Variants in ATP2B4 observed in about 807,000 individuals in gnomAD.
ATP2B4 encodes ATPase plasma membrane Ca2+ transporting 4, also known as plasma membrane calcium-transporting ATPase 4.
ATP2B4 carries 39 observed loss-of-function variants against 110.3 expected under a neutral mutation model. That is an observed-to-expected ratio of 0.35 (90% confidence interval 0.27 to 0.46). ATP2B4 has a LOEUF of 0.46. Ranked by LOEUF, ATP2B4 falls within the 20% of genes least tolerant of loss-of-function variation. The probability of loss-of-function intolerance (pLI) is 1.00; values close to 1 mark genes in which losing one functional copy is unlikely to be tolerated. For missense variants in ATP2B4, 1,135 were observed against 1,530.9 expected, an observed-to-expected ratio of 0.74 and a Z score of 4.32; for synonymous variants, 538 against 571.7, an observed-to-expected ratio of 0.94 and a Z score of 0.84.
chr1:203,707,834 C>T (rs746107619), intron 9 of ATP2B4, 28 bp from the exon 10 acceptor site: 30 of 1,610,270 alleles, frequency 1.9e-5, no homozygotes, highest in Middle Eastern at 3.5e-4. Flanking sequence ...TAGTCCCCCT[C>T]TCAAGTCTTT....
chr1:203,656,066 A>ATTT (rs56042023), intron 1 of ATP2B4, among the ~76,000 whole-genome samples: 10 of 147,158 alleles, frequency 6.8e-5, no homozygotes, highest in African/African-American at 2.5e-4. Context: ...ACGCCCAGCT[A>ATTT]TTTTTTTTTT....
At chr1:203,659,821 C>G (rs377566221) in intron 1 of ATP2B4, among the ~76,000 whole-genome samples, 2 of 152,014 alleles carry the variant, frequency 1.3e-5, no homozygotes, top group East Asian at 3.8e-4. Flanking sequence ...TGGTGGCTCA[C>G]GCCTGTAATT....
At chr1:203,654,916 G>A (rs4951305) in intron 1 of ATP2B4, among the ~76,000 whole-genome samples, 1 of 149,992 alleles carries the variant, frequency 6.7e-6, no homozygotes, top group Admixed American at 6.6e-5. Context: ...GAAAGAAAAA[G>A]ATATTCATGA....
rs78023704 is a variant in ATP2B4 at position 203,701,997 on chromosome 1, A to T, written c.902-47A>T. On this transcript the variant is annotated intron_variant, in intron 6 of 20. Transcript: ENST00000357681. Reference sequence around the variant, plus strand: ...GGACCAACAAATTGGATCTCTTAATAGTTACTTTGGGTTTCGACCCCACTT... The same window carrying T: ...GGACCAACAAATTGGATCTCTTAATTGTTACTTTGGGTTTCGACCCCACTT... The T allele has an allele frequency of 4.6e-3, 7,451 of 1,610,174 alleles. 82 individuals carry two copies. Among genetic ancestry groups the T allele is most frequent in the South Asian group, 0.032 (2,935 of 90,856 alleles).
chr1:203,709,260 G>A, intron 10 of ATP2B4, 41 bp from the exon 11 acceptor site: 1 of 1,609,462 alleles, frequency 6.2e-7, no homozygotes, highest in East Asian at 2.2e-5. Context: ...GCCTTGTCAA[G>A]GCATCTTACT....
At chr1:203,643,781 G>A (rs1663705122) in intron 1 of ATP2B4, among the ~76,000 whole-genome samples, 3 of 152,358 alleles carry the variant, frequency 2.0e-5, no homozygotes, top group South Asian at 2.1e-4. Flanking sequence ...CATGTGAACA[G>A]GCTTATGGCA....
intron 1 of ATP2B4, among the ~76,000 whole-genome samples, chr1:203,628,270 G>T (rs1385785452): frequency 6.6e-6 from 1 of 151,876 alleles, no homozygotes; most frequent in East Asian, 1.9e-4. Context: ...ATCCTTCCCC[G>T]AGTCGAGTCT....
chr1:203,640,134 A>G (rs1476191268), intron 1 of ATP2B4, among the ~76,000 whole-genome samples: 6 of 152,146 alleles, frequency 3.9e-5, no homozygotes, highest in Admixed American at 3.3e-4. Context: ...AAAGTGCTAG[A>G]TATACGTAAA....
intron 14 of ATP2B4, among the ~76,000 whole-genome samples, 184 bp from the exon 15 acceptor site, chr1:203,713,987 G>C (rs1206927141): frequency 6.6e-6 from 1 of 152,112 alleles, no homozygotes; most frequent in African/African-American, 2.4e-5. Context: ...TTAGGGTACC[G>C]GATGAGGACA....
chr1:203,711,518 C>T (rs1666009596), intron 12 of ATP2B4, among the ~76,000 whole-genome samples: 1 of 152,110 alleles, frequency 6.6e-6, no homozygotes, highest in South Asian at 2.1e-4. Flanking sequence ...TATTAATTCT[C>T]AAGGCCCAGA....
In ATP2B4 at chr1:203,703,798, C is replaced by A; in HGVS notation, c.1084C>A (p.Gln362Lys). The change falls in exon 8 of 21, where the codon CAG (glutamine) becomes AAG (lysine). Residue 362 changes from glutamine to lysine, a missense_variant. Gln to Lys is a moderately conservative substitution (Grantham distance 53, BLOSUM62 1). Transcript: ENST00000357681. ...GGGCAAGCTGACTCGCCTGGCTGTTCAGATTGGGAAAGCCGGTGAGTAGGG... is the reference window on the plus strand; with the variant it reads ...GGGCAAGCTGACTCGCCTGGCTGTTAAGATTGGGAAAGCCGGTGAGTAGGG... ...LQGKLTRLAV[Q>K]IGKAGLLMSA... The A allele has an allele frequency of 6.2e-7, 1 of 1,613,862 alleles. No homozygotes were observed. The highest frequency in any genetic ancestry group is 1.1e-5 in the South Asian group (1 of 91,030).
chr1:203,721,089 G>T, intron 16 of ATP2B4, 108 bp from the exon 17 acceptor site: 1 of 1,151,194 alleles, frequency 8.7e-7, no homozygotes, highest in Non-Finnish European at 1.2e-6. Context: ...CAGCTAGGAA[G>T]TGGCCAGATT....
intron 1 of ATP2B4, among the ~76,000 whole-genome samples, chr1:203,671,831 G>C (rs577778058): frequency 2.0e-5 from 3 of 152,224 alleles, no homozygotes; most frequent in Admixed American, 6.5e-5. Context: ...TGTAGAAGTG[G>C]AGGAAACACG....
chr1:203,666,618 C>T (rs902886633), intron 1 of ATP2B4, among the ~76,000 whole-genome samples: 2 of 152,190 alleles, frequency 1.3e-5, no homozygotes, highest in Non-Finnish European at 2.9e-5. Context: ...CTAGGTTTAT[C>T]TCACCATCTG....
At chr1:203,648,504 G>A (rs1663877475) in intron 1 of ATP2B4, among the ~76,000 whole-genome samples, 1 of 152,156 alleles carries the variant, frequency 6.6e-6, no homozygotes, top group Admixed American at 6.5e-5. Context: ...ATGACAGCCC[G>A]AGGTGCCAGC....
At chr1:203,708,847 G>A (rs1464271389) in intron 10 of ATP2B4, among the ~76,000 whole-genome samples, 1 of 151,804 alleles carries the variant, frequency 6.6e-6, no homozygotes, top group South Asian at 2.1e-4. Context: ...AGAGCAAGGT[G>A]CTATGTCAAA....
Position 203,739,915 on chromosome 1 carries a change from A to G in ATP2B4, c.*61A>G. 2.6e-6 allele frequency: 4 copies of G among 1,514,780 alleles called. No homozygotes were observed. Among genetic ancestry groups the G allele is most frequent in the South Asian group, 1.3e-5 (1 of 77,450 alleles). The allele number at this position is 1,514,780 out of a possible 1,614,324, so 93.8% of individuals were successfully genotyped here. On this transcript the variant is annotated 3_prime_UTR_variant, in exon 21 of 21. Transcript: ENST00000357681. ...ATTTCCATTTTCGTCTATCCCATCT[A>G]TGAGGTGATGATGGGACTTTTCATT...
intron 1 of ATP2B4, among the ~76,000 whole-genome samples, chr1:203,635,329 T>G (rs533866751): frequency 6.6e-6 from 1 of 152,174 alleles, no homozygotes; most frequent in East Asian, 1.9e-4. Flanking sequence ...GGTGCAGTGG[T>G]GCAGTCATAG....
At chr1:203,645,546 A>G (rs1201799295) in intron 1 of ATP2B4, among the ~76,000 whole-genome samples, 1 of 145,288 alleles carries the variant, frequency 6.9e-6, no homozygotes, top group Admixed American at 6.9e-5. Context: ...CACAGTCATC[A>G]CTCCTCATTC....
Sources: gnomAD v4.1 joint callset for allele counts (sites outside exome capture counted in the v4.1 genomes callset) on GRCh38, gnomAD v4.1.1 for gene constraint, MANE v1.5 for transcripts, NCBI Gene and HGNC (gene_info 2026-07-23, HGNC 2026-07-21) for gene names.